GPC2: variants seen among roughly 807,000 people sequenced by gnomAD.
The protein encoded by GPC2 is glypican-2.
In GPC2, 42 loss-of-function variants were observed where a neutral mutation model predicts 57.3. The observed-to-expected ratio is 0.73, with a 90% CI of 0.57 to 0.95. GPC2 has a LOEUF of 0.95. Among genes scored for constraint, GPC2 ranks in the 40% least tolerant of loss-of-function variants. The pLI is 0.00. For missense variants in GPC2, 745 were observed against 793.6 expected (o/e 0.94, Z 0.74); for synonymous variants, 364 against 343.4 (o/e 1.06, Z -0.66).
intron 4 of GPC2, 77 bp from the exon 5 acceptor site, chr7:100,174,074 C>A: frequency 1.5e-6 from 2 of 1,314,908 alleles, no homozygotes; most frequent in Middle Eastern, 2.7e-4. Flanking sequence ...TGGGCACAGA[C>A]AGAAATCACA....
chr7:100,174,755 G>C lies in GPC2; in HGVS notation c.659C>G (p.Thr220Ser), dbSNP rs1438565436. The C allele has an allele frequency of 6.2e-7, 1 of 1,613,856 alleles. No homozygotes were observed. The highest frequency in any genetic ancestry group is 8.5e-7 in the Non-Finnish European group (1 of 1,179,892). The part of the protein sequence containing the change: ...PRRLRLQITR[T>S]LVAARAFVQG... ...CACAAAGGCTCGGGCAGCCACCAGG[G>C]TCCGGGTTATCTGGGAGAAGGCAAA... The change falls in exon 4 of 10, where the codon ACC (threonine) becomes AGC (serine). Residue 220 changes from threonine to serine, a missense_variant. Around this residue, in one of 2 missense-constraint regions of GPC2, gnomAD observed 607 missense variants for 603.9 expected, o/e 1.01. Coordinates refer to ENST00000292377, the MANE Select transcript of GPC2 (RefSeq NM_152742.3).
rs1273315318 is a variant in GPC2 at position 100,171,774 on chromosome 7, C to T, written c.1170+5G>A. ...CCGCCCCCAACTCTTGGTCATCCCA[C>T]GCACCAGCCGGTGCAGGTTGGTGCC... is the stretch of plus-strand genomic sequence containing the variant. On this transcript the variant is annotated splice_donor_5th_base_variant and intron_variant, in intron 7 of 9. Transcript: ENST00000292377. This position sits in a 1 kb window ranked among gnomAD's most constrained non-coding sequence, Gnocchi z 4.8. 2.6e-6 allele frequency: 4 copies of T among 1,541,636 alleles called. No individual in the cohort carries two copies. In the East Asian group the frequency reaches 9.9e-5, roughly 38 times the overall value.
chr7:100,174,816 G>A, intron 3 of GPC2, 51 bp from the exon 4 acceptor site: 2 of 1,383,202 alleles, frequency 1.4e-6, no homozygotes, highest in Non-Finnish European at 2.0e-6. Flanking sequence ...TTATGGGTCA[G>A]TCAAGACTGG....
chr7:100,172,220 T>C lies in GPC2; in HGVS notation c.893-3A>G. 1 of 1,613,698 alleles carries C rather than the reference T, an allele frequency of 6.2e-7. No individual in the cohort carries two copies. Among genetic ancestry groups the C allele is most frequent in the Non-Finnish European group, 8.5e-7 (1 of 1,179,880 alleles). ...ATCAGCCAGGATCAGGAGACCATCT[T>C]AAGGGAGGGAGAGAAAGAGAAAGGA... is the stretch of plus-strand genomic sequence containing the variant. On this transcript the variant is annotated splice_polypyrimidine_tract_variant and splice_region_variant and intron_variant, in intron 5 of 9. Transcript: ENST00000292377.
rs1427867339 is a variant in GPC2 at position 100,171,667 on chromosome 7, G to A, written c.1182C>T (p.Leu394=). ...CCCGCATCCGGGCCAGACGCTCGCG[G>A]AGCTCCCACACCTGGGCGGGCGAGA... ...GTNLHRLVWE[L]RERLARMRGF... is the part of the protein sequence containing the mutation. The change falls in exon 8 of 10, where the codon CTC becomes CTT. Residue 394 remains leucine, a synonymous_variant. Coordinates refer to ENST00000292377, the MANE Select transcript of GPC2 (RefSeq NM_152742.3). This position sits in a 1 kb window ranked among gnomAD's most constrained non-coding sequence, Gnocchi z 4.8. 1.3e-6 allele frequency: 2 copies of A among 1,505,078 alleles called. No individual in the cohort carries two copies. The highest frequency in any genetic ancestry group is 1.4e-5 in the African/African-American group (1 of 69,282). 93.2% of individuals were successfully genotyped at this position (1,505,078 alleles called of 1,614,324 possible).
In GPC2 at chr7:100,174,518, T is replaced by C. The variant is rs563465780; in HGVS notation, c.729+167A>G. ...TCATGGATCGTGGACCATTGGAGGT[T>C]TCACTCCAGCCCCCTCCTTCCTAAT... On this transcript the variant is annotated intron_variant, in intron 4 of 9. Coordinates refer to ENST00000292377, the MANE Select transcript of GPC2 (RefSeq NM_152742.3). 282 of 697,972 alleles carry C rather than the reference T, an allele frequency of 4.0e-4. 3 individuals carry two copies. The highest frequency in any genetic ancestry group is 2.4e-3 in the South Asian group (162 of 66,444). The allele number at this position is 697,972 out of a possible 1,614,324, so 43.2% of individuals were successfully genotyped here.
chr7:100,171,740 CG>C lies in GPC2; in HGVS notation c.1170+38del, dbSNP rs1562957176. The C allele has an allele frequency of 6.7e-7, 1 of 1,490,206 alleles. No homozygotes were observed. The highest frequency in any genetic ancestry group is 2.2e-5 in the Admixed American group (1 of 45,522). The allele number at this position is 1,490,206 out of a possible 1,614,324, so 92.3% of individuals were successfully genotyped here. ...CGACCCCCACAACCATCCCCGGCCC[CG>C]GGCCCCCCCGCCCCCAACTCTTGGT... On this transcript the variant is annotated intron_variant, in intron 7 of 9. Coordinates refer to ENST00000292377, the MANE Select transcript of GPC2 (RefSeq NM_152742.3). The surrounding 1 kb of genome is among the most constrained non-coding windows in gnomAD (Gnocchi z 4.8).
At chr7:100,174,408 C>T in intron 4 of GPC2, 1 of 557,706 alleles carries the variant, frequency 1.8e-6, no homozygotes, top group Non-Finnish European at 3.2e-6. Context: ...GGGGCAGTAT[C>T]CAATCTCCTA....
chr7:100,171,100 C>G lies in GPC2; in HGVS notation c.1486+161G>C. ...TACAGACCCCCTCATTGATCTGTTA[C>G]CCCCAGTCTTTCAGGGCAACGCTCA... On this transcript the variant is annotated intron_variant, in intron 9 of 9. Transcript: ENST00000292377. The surrounding 1 kb of genome is among the most constrained non-coding windows in gnomAD (Gnocchi z 4.8). The G allele has an allele frequency of 1.6e-6, 1 of 622,542 alleles. No individual in the cohort carries two copies. Among genetic ancestry groups the G allele is most frequent in the Non-Finnish European group, 2.6e-6 (1 of 383,108 alleles). The allele number at this position is 622,542 out of a possible 1,614,324, so 38.6% of individuals were successfully genotyped here. A position where few individuals can be genotyped will look rare whatever the true frequency, so the allele number is the denominator to read the frequency against.
In GPC2 at chr7:100,170,111, C is replaced by A. The variant is rs1799150833; in HGVS notation, c.*119G>T. The A allele has an allele frequency of 1.9e-6, 2 of 1,079,766 alleles. No individual in the cohort carries two copies. The highest frequency in any genetic ancestry group is 3.1e-5 in the East Asian group (1 of 32,598). 66.9% of individuals were successfully genotyped at this position (1,079,766 alleles called of 1,614,324 possible). On this transcript the variant is annotated 3_prime_UTR_variant, in exon 10 of 10. Transcript: ENST00000292377. ...TGGATTTGGGGCCCCAGCCATTCAC[C>A]TGCAAAGTCCCTTCTCTACCCTCTC...
Position 100,172,103 on chromosome 7 carries a change from G to A in GPC2, c.1007C>T (p.Ala336Val), listed in dbSNP as rs1799189189. The change falls in exon 6 of 10, where the codon GCG becomes GTG. Residue 336 changes from alanine to valine, a missense_variant. This residue lies in a region of GPC2 where 607 missense variants were observed against 603.9 expected (regional missense o/e 1.01). Transcript: ENST00000292377. ...CCCCTGTACCTGGGCGGACACCTTC[G>A]CACTGTTTTCCTGCAGGTACATCAA... ...EGLMYLQENS[A>V]KVSAQVFQEC... The A allele has an allele frequency of 5.6e-6, 9 of 1,613,736 alleles. No individual in the cohort carries two copies. The highest frequency in any genetic ancestry group is 1.7e-5 in the Admixed American group (1 of 59,988).
At chr7:100,175,430 C>T in intron 3 of GPC2, 142 bp downstream of exon 3, 1 of 665,748 alleles carries the variant, frequency 1.5e-6, no homozygotes, top group South Asian at 1.9e-5. Flanking sequence ...TAGGGATCAC[C>T]AGGTCAGAAA....
In GPC2 at chr7:100,171,083, C is replaced by A; in HGVS notation, c.1486+178G>T. On this transcript the variant is annotated intron_variant, in intron 9 of 9. Coordinates refer to ENST00000292377, the MANE Select transcript of GPC2 (RefSeq NM_152742.3). This position sits in a 1 kb window ranked among gnomAD's most constrained non-coding sequence, Gnocchi z 4.8. Reference sequence around the variant, plus strand: ...CTACTGGCCTGAAAGGATACAGACCCCCTCATTGATCTGTTACCCCCAGTC... The same window carrying A: ...CTACTGGCCTGAAAGGATACAGACCACCTCATTGATCTGTTACCCCCAGTC... 1.8e-6 allele frequency: 1 copy of A among 557,304 alleles called. No homozygotes were observed. The highest frequency in any genetic ancestry group is 3.0e-6 in the Non-Finnish European group (1 of 329,698). The allele number at this position is 557,304 out of a possible 1,614,324, so 34.5% of individuals were successfully genotyped here.
chr7:100,171,520 C>T lies in GPC2; in HGVS notation c.1310+19G>A, dbSNP rs1180242698. The T allele has an allele frequency of 3.7e-6, 5 of 1,362,370 alleles. No homozygotes were observed. The African/African-American group carries it at 4.6e-5, about 13-fold the overall frequency. The allele number at this position is 1,362,370 out of a possible 1,614,324, so 84.4% of individuals were successfully genotyped here. ...CGCGGTCCCGCCCCCTGCTGCCCCC[C>T]GACGCCCCCGAGGCTCACCGGCCCC... On this transcript the variant is annotated intron_variant, in intron 8 of 9. Coordinates refer to ENST00000292377, the MANE Select transcript of GPC2 (RefSeq NM_152742.3). This position sits in a 1 kb window ranked among gnomAD's most constrained non-coding sequence, Gnocchi z 4.8.
chr7:100,172,490 C>A (rs1325000633), intron 5 of GPC2, among the ~76,000 whole-genome samples: 1 of 145,006 alleles, frequency 6.9e-6, no homozygotes, highest in South Asian at 2.2e-4. Flanking sequence ...GAGACATAGT[C>A]TCACTCTGTC....
rs1442939386 is a variant in GPC2, at chr7:100,173,674, C to T, written c.892+161G>A. On this transcript the variant is annotated intron_variant, in intron 5 of 9. Coordinates refer to ENST00000292377, the MANE Select transcript of GPC2 (RefSeq NM_152742.3). Reference sequence around the variant, plus strand: ...TCTGTCTCTCTCTCTCTCTTTCTTTCTCTCTCTCTCTTTCTTTCTTGAGAT... The same window carrying T: ...TCTGTCTCTCTCTCTCTCTTTCTTTTTCTCTCTCTCTTTCTTTCTTGAGAT... 6 of 420,094 alleles carry T rather than the reference C, an allele frequency of 1.4e-5. No individual in the cohort carries two copies. The South Asian group carries it at 2.2e-4, about 15-fold the overall frequency. 26.0% of individuals were successfully genotyped at this position (420,094 alleles called of 1,614,324 possible). A position where few individuals can be genotyped will look rare whatever the true frequency, so the allele number is the denominator to read the frequency against.
In GPC2 at chr7:100,170,112, T is replaced by G; in HGVS notation, c.*118A>C. 9.2e-7 allele frequency: 1 copy of G among 1,082,894 alleles called. No homozygotes were observed. 67.1% of individuals were successfully genotyped at this position (1,082,894 alleles called of 1,614,324 possible). A position where few individuals can be genotyped will look rare whatever the true frequency, so the allele number is the denominator to read the frequency against. The stretch of plus-strand genomic sequence containing the variant: ...GGATTTGGGGCCCCAGCCATTCACC[T>G]GCAAAGTCCCTTCTCTACCCTCTCT... On this transcript the variant is annotated 3_prime_UTR_variant, in exon 10 of 10. Transcript: ENST00000292377.
chr7:100,176,314 G>A lies in GPC2; in HGVS notation c.218C>T (p.Thr73Ile). 1 of 1,614,086 alleles carries A rather than the reference G, an allele frequency of 6.2e-7. No homozygotes were observed. Among genetic ancestry groups the A allele is most frequent in the East Asian group, 2.2e-5 (1 of 44,888 alleles). Residue 73 changes from threonine to isoleucine, a missense_variant, in exon 2 of 10, where the codon ACA becomes ATA. Thr to Ile is a moderately conservative substitution (Grantham distance 89, BLOSUM62 -1). Transcript: ENST00000292377. Reference protein sequence around the residue: ...PQEYTCCSSETEQRLIRETEA... With the variant: ...PQEYTCCSSEIEQRLIRETEA... ...AGTCTCCCTGATCAGCCTCTGCTCT[G>A]TCTCACTGGAACAGCAGGTGTACTC... is the stretch of plus-strand genomic sequence containing the variant.
At position 100,172,081 on chromosome 7, in the gene GPC2, C is replaced by T. The variant is rs1303469259; in HGVS notation, c.1023+6G>A. 1 of 1,613,886 alleles carries T rather than the reference C, an allele frequency of 6.2e-7. No homozygotes were observed. Among genetic ancestry groups the T allele is most frequent in the Non-Finnish European group, 8.5e-7 (1 of 1,180,004 alleles). ...GGCCTCACCTCCACCCTTCTCTCCC[C>T]TGTACCTGGGCGGACACCTTCGCAC... On this transcript the variant is annotated splice_donor_region_variant and intron_variant, in intron 6 of 9. Coordinates refer to ENST00000292377, the MANE Select transcript of GPC2 (RefSeq NM_152742.3).
Sources: gnomAD v4.1 joint callset for allele counts (sites outside exome capture counted in the v4.1 genomes callset) on GRCh38, gnomAD v4.1.1 for gene constraint, gnomAD v4.1.1 regional missense constraint, Gnocchi (gnomAD v3.1) non-coding constraint, MANE v1.5 for transcripts, NCBI Gene and HGNC (gene_info 2026-07-23, HGNC 2026-07-21) for gene names.